The following IGF1 variants were observed in gnomAD, a reference collection of about 807,000 sequenced individuals.
The protein encoded by IGF1 is insulin like growth factor 1, also known as insulin-like growth factor 1.
IGF1 carries 4 observed loss-of-function variants against 13.8 expected under a neutral mutation model. The observed-to-expected ratio is 0.29, with a 90% CI of 0.14 to 0.66. The LOEUF is 0.66. Among genes scored for constraint, IGF1 ranks in the 30% least tolerant of loss-of-function variants. The pLI, the probability that IGF1 is intolerant of heterozygous loss-of-function variation, is 0.78. For synonymous variants in IGF1, 76 were observed against 72.6 expected (o/e 1.05, Z -0.23); for missense variants, 124 against 188.5 (o/e 0.66, Z 2.00).
At chr12:102,447,921 T>C (rs1245699024) in intron 2 of IGF1, among the ~76,000 whole-genome samples, 1 of 152,084 alleles carries the variant, frequency 6.6e-6, no homozygotes, top group Admixed American at 6.6e-5. Flanking sequence ...AACTGACAAA[T>C]GGGATGTAAT....
intron 2 of IGF1, among the ~76,000 whole-genome samples, chr12:102,474,292 A>G (rs911381220): frequency 6.6e-6 from 1 of 152,282 alleles, no homozygotes; most frequent in Non-Finnish European, 1.5e-5. Flanking sequence ...CTTTATTGCC[A>G]GAAAAATAAA....
At chr12:102,445,130 G>T (rs1489782471) in intron 2 of IGF1, among the ~76,000 whole-genome samples, 1 of 151,974 alleles carries the variant, frequency 6.6e-6, no homozygotes, top group Non-Finnish European at 1.5e-5. Context: ...TGCTGTTTTG[G>T]TTACCGTAGA....
chr12:102,425,322 T>A (rs1876104477), intron 2 of IGF1, among the ~76,000 whole-genome samples: 1 of 152,202 alleles, frequency 6.6e-6, no homozygotes, highest in African/African-American at 2.4e-5. Flanking sequence ...AATTTAGGCA[T>A]CGATTTCACT....
At chr12:102,405,260 G>GTTTTTTT (rs1395001698) in intron 3 of IGF1, among the ~76,000 whole-genome samples, 1 of 150,474 alleles carries the variant, frequency 6.6e-6, no homozygotes, top group Non-Finnish European at 1.5e-5. Flanking sequence ...CTAATTTTTT[G>GTTTTTTT]TATTTTTAAT....
At chr12:102,433,383 A>G (rs1164005964) in intron 2 of IGF1, among the ~76,000 whole-genome samples, 2 of 152,216 alleles carry the variant, frequency 1.3e-5, no homozygotes, top group African/African-American at 2.4e-5. Context: ...GGAAACTGCA[A>G]TGCAGGGATG....
At chr12:102,474,060 T>C (rs1880856880) in intron 2 of IGF1, among the ~76,000 whole-genome samples, 1 of 152,102 alleles carries the variant, frequency 6.6e-6, no homozygotes, top group African/African-American at 2.4e-5. Context: ...AAAAAAAAAG[T>C]CCCCTTGGGC....
chr12:102,478,539 G>T, intron 1 of IGF1: 1 of 1,609,778 alleles, frequency 6.2e-7, no homozygotes, highest in Non-Finnish European at 8.5e-7. Flanking sequence ...AGGTCAGGGT[G>T]GGTATTATGA....
rs190766968 is a variant in IGF1, at chr12:102,461,215, C to T, written c.220+14428G>A. Among the ~76,000 whole-genome samples the T allele has an allele frequency of 1.2e-4, 19 of 152,286 alleles. No homozygotes were observed. In the East Asian group the frequency reaches 3.5e-3, roughly 28 times the overall value. ...TACCTGCCCTGCTGTGGGACAATGT[C>T]CCTTTGAAGAAGCACACCCTTCAGA... On this transcript the variant is annotated intron_variant, in intron 2 of 3. Transcript: ENST00000337514.
chr12:102,480,550 T>A lies in IGF1; in HGVS notation c.-169A>T. On this transcript the variant is annotated 5_prime_UTR_variant, in exon 1 of 4. Coordinates refer to ENST00000337514, the MANE Select transcript of IGF1 (RefSeq NM_000618.5). Reference sequence around the variant, plus strand: ...CTGAATTTAGCAGTGACAGTGAGATTTAGCAAACAGAAGAGGGATTTAGAG... The same window carrying A: ...CTGAATTTAGCAGTGACAGTGAGATATAGCAAACAGAAGAGGGATTTAGAG... 2 of 1,478,528 alleles carry A rather than the reference T, an allele frequency of 1.4e-6. No individual in the cohort carries two copies. The highest frequency in any genetic ancestry group is 1.8e-6 in the Non-Finnish European group (2 of 1,116,290). 91.6% of individuals were successfully genotyped at this position (1,478,528 alleles called of 1,614,324 possible).
At chr12:102,421,033 G>A (rs1298330113) in intron 2 of IGF1, among the ~76,000 whole-genome samples, 1 of 152,180 alleles carries the variant, frequency 6.6e-6, no homozygotes, top group African/African-American at 2.4e-5. Context: ...CATGGTAATG[G>A]CCTGCTACCA....
chr12:102,417,840 C>A (rs1875290965), intron 3 of IGF1: 1 of 1,613,680 alleles, frequency 6.2e-7, no homozygotes, highest in Non-Finnish European at 8.5e-7. Flanking sequence ...TTTGCCTCTG[C>A]ATTCAGCATT....
At chr12:102,411,723 G>A (rs1478955227) in intron 3 of IGF1, among the ~76,000 whole-genome samples, 2 of 152,178 alleles carry the variant, frequency 1.3e-5, no homozygotes, top group Admixed American at 1.3e-4. Flanking sequence ...AGCCCAGGAG[G>A]ACAAGGTAAC....
At chr12:102,465,782 C>T (rs1880257517) in intron 2 of IGF1, among the ~76,000 whole-genome samples, 1 of 152,022 alleles carries the variant, frequency 6.6e-6, no homozygotes, top group Admixed American at 6.5e-5. Context: ...ACTAAAAATA[C>T]AAACATTAGC....
At chr12:102,425,726 A>T (rs1876144911) in intron 2 of IGF1, among the ~76,000 whole-genome samples, 1 of 152,216 alleles carries the variant, frequency 6.6e-6, no homozygotes, top group Non-Finnish European at 1.5e-5. Context: ...AAGCAGAAAC[A>T]TTACTGTTTT....
intron 2 of IGF1, among the ~76,000 whole-genome samples, chr12:102,472,316 A>G (rs556686447): frequency 6.6e-6 from 1 of 152,266 alleles, no homozygotes; most frequent in South Asian, 2.1e-4. Context: ...CTGTAGTGGA[A>G]CTTGGGCTTG....
At chr12:102,452,971 A>G (rs186932615) in intron 2 of IGF1, among the ~76,000 whole-genome samples, 105 of 151,504 alleles carry the variant, frequency 6.9e-4, no homozygotes, top group African/African-American at 2.5e-3. Flanking sequence ...CAATATGAGA[A>G]AAAAAAAGGC....
At chr12:102,431,956 C>T (rs1172510725) in intron 2 of IGF1, among the ~76,000 whole-genome samples, 1 of 152,162 alleles carries the variant, frequency 6.6e-6, no homozygotes, top group African/African-American at 2.4e-5. Context: ...GGCAGTCAGC[C>T]TTGTTTCATA....
At chr12:102,421,350 A>AT (rs895495640) in intron 2 of IGF1, among the ~76,000 whole-genome samples, 10 of 152,112 alleles carry the variant, frequency 6.6e-5, no homozygotes, top group Admixed American at 1.3e-4. Flanking sequence ...TGTAAACAAT[A>AT]TTTTTTTGTT....
rs1324502336 is a variant in IGF1, at chr12:102,480,352, T to C, written c.30A>G (p.Gln10=). The part of the protein sequence containing the change: MGKISSLPT[Q]LFKCCFCDFL... ...AATCACAAAAGCAGCACTTAAATAA[T>C]TGGGTTGGAAGACTGCTGATTTTTC... The change falls in exon 1 of 4, where the codon CAA becomes CAG. Residue 10 remains glutamine (Q), a synonymous_variant. Transcript: ENST00000337514. 2 of 1,613,422 alleles carry C rather than the reference T, an allele frequency of 1.2e-6. No homozygotes were observed. The highest frequency in any genetic ancestry group is 1.7e-6 in the Non-Finnish European group (2 of 1,179,662).
Sources: gnomAD v4.1 joint callset for allele counts (sites outside exome capture counted in the v4.1 genomes callset) on GRCh38, gnomAD v4.1.1 for gene constraint, MANE v1.5 for transcripts, NCBI Gene and HGNC (gene_info 2026-07-23, HGNC 2026-07-21) for gene names.